The following ABCB11 variants were observed in gnomAD, a reference collection of about 807,000 sequenced individuals.
ABCB11 encodes the protein ATP binding cassette subfamily B member 11, also known as bile salt export pump.
ABCB11 carries 95 observed loss-of-function variants against 148.0 expected under a neutral mutation model. The observed-to-expected ratio is 0.64, with a 90% CI of 0.54 to 0.76. The LOEUF (loss-of-function observed/expected upper bound fraction) is 0.76. Ranked by LOEUF, ABCB11 falls within the 30% of genes least tolerant of loss-of-function variation. The pLI is 0.00. For synonymous variants in ABCB11, 591 were observed against 555.4 expected (o/e 1.06, Z -0.90); for missense variants, 1,523 against 1,617.8 (o/e 0.94, Z 1.01).
At chr2:169,017,937 C>A (rs746535156) in intron 2 of ABCB11, 113 bp downstream of exon 2, 39 of 866,252 alleles carry the variant, frequency 4.5e-5, no homozygotes, top group Non-Finnish European at 5.4e-5. Context: ...CACAATGATA[C>A]TTCTACCTAC....
rs1361039889 is a variant in ABCB11 at position 168,969,455 on chromosome 2, C to T, written c.1906G>A (p.Glu636Lys). The change falls in exon 16 of 28, where the codon GAA becomes AAA. Residue 636 changes from glutamate (E) to lysine (K), a missense_variant. Physicochemically the swap from Glu to Lys is moderately conservative, Grantham distance 56. Transcript: ENST00000650372. The stretch of plus-strand genomic sequence containing the variant: ...AGTAATTCTTCATGGGTCCCTCTTT[C>T]CACTGCAGTGCCATGTTCAAAACCA... ...IIGFEHGTAV[E>K]RGTHEELLER... The T allele has an allele frequency of 6.2e-7, 1 of 1,612,604 alleles. No individual in the cohort carries two copies. The highest frequency in any genetic ancestry group is 8.5e-7 in the Non-Finnish European group (1 of 1,179,212).
intron 19 of ABCB11, among the ~76,000 whole-genome samples, chr2:168,955,846 A>C (rs1463328275): frequency 6.6e-6 from 1 of 151,706 alleles, no homozygotes; most frequent in Non-Finnish European, 1.5e-5. Flanking sequence ...GGGTACAAGC[A>C]TTGGGTAAAT....
At chr2:168,968,596 T>C (rs1693421170) in intron 16 of ABCB11, 106 bp from the exon 17 acceptor site, 2 of 885,284 alleles carry the variant, frequency 2.3e-6, no homozygotes, top group Admixed American at 2.8e-5. Context: ...CTATGTCAAA[T>C]GCCAAAACAT....
chr2:168,930,467 G>A (rs1691515502), intron 25 of ABCB11, among the ~76,000 whole-genome samples, 198 bp downstream of exon 25: 1 of 152,164 alleles, frequency 6.6e-6, no homozygotes, highest in Admixed American at 6.5e-5. Context: ...TCTGGAACTG[G>A]GGAAAATCTG....
Position 168,956,006 on chromosome 2 carries a change from G to A in ABCB11, c.2343+1958C>T, listed in dbSNP as rs139474137. ...CTCACATCCAGGCCACACTGATGCT[G>A]AGATTGAGTAATTTATGAAGAAAAA... On this transcript the variant is annotated intron_variant, in intron 19 of 27. Transcript: ENST00000650372. Among the ~76,000 whole-genome samples the A allele has an allele frequency of 6.0e-3, 907 of 151,700 alleles. 11 individuals carry two copies. The highest frequency in any genetic ancestry group is 0.02 in the African/African-American group (818 of 41,464).
chr2:168,930,749 C>T lies in ABCB11; in HGVS notation c.3327G>A (p.Leu1109=). ...CACATCCACTGCTCCCAACAAACGC[C>T]AGTGTCTGCCCTGGACTAATCGACA... ...LSVSISPGQT[L]AFVGSSGCGK... The change falls in exon 25 of 28, where the codon CTG becomes CTA. Residue 1109 remains leucine, a synonymous_variant. Transcript: ENST00000650372. The T allele has an allele frequency of 1.2e-6, 2 of 1,610,968 alleles. No homozygotes were observed. Among genetic ancestry groups the T allele is most frequent in the Middle Eastern group, 1.7e-4 (1 of 6,046 alleles).
intron 5 of ABCB11, among the ~76,000 whole-genome samples, chr2:169,005,811 C>T (rs1384794789): frequency 4.6e-5 from 7 of 152,018 alleles, no homozygotes; most frequent in Admixed American, 3.9e-4. Context: ...TGCTGCACAC[C>T]ATAAATATAT....
At chr2:168,926,775 C>T (rs535127084) in intron 26 of ABCB11, among the ~76,000 whole-genome samples, 5 of 152,076 alleles carry the variant, frequency 3.3e-5, no homozygotes, top group African/African-American at 9.7e-5. Flanking sequence ...GGACCAGAAA[C>T]GTTTCAGATT....
intron 10 of ABCB11, among the ~76,000 whole-genome samples, chr2:168,982,131 T>C (rs745355153): frequency 4.6e-5 from 7 of 152,006 alleles, no homozygotes; most frequent in Non-Finnish European, 7.4e-5. Context: ...GACAGAGAGA[T>C]GGGAAGGGAG....
intron 5 of ABCB11, among the ~76,000 whole-genome samples, chr2:169,007,515 G>A (rs1350611623): frequency 6.6e-6 from 1 of 152,126 alleles, no homozygotes. Flanking sequence ...GAAGGCCTTA[G>A]GAAATTTACA....
At chr2:169,003,057 A>G (rs1171457361) in intron 5 of ABCB11, among the ~76,000 whole-genome samples, 4 of 152,082 alleles carry the variant, frequency 2.6e-5, no homozygotes, top group African/African-American at 9.7e-5. Flanking sequence ...TGGTGCACCC[A>G]TCATCCAAGC....
At chr2:168,987,201 T>A (rs1200251032) in intron 9 of ABCB11, among the ~76,000 whole-genome samples, 3 of 152,162 alleles carry the variant, frequency 2.0e-5, no homozygotes, top group Admixed American at 6.6e-5. Context: ...TGGTAGCAAC[T>A]GAGAATAACA....
rs951991342 is a variant in ABCB11, at chr2:168,922,197, A to C, written c.*1425T>G. On this transcript the variant is annotated 3_prime_UTR_variant, in exon 28 of 28. Coordinates refer to ENST00000650372, the MANE Select transcript of ABCB11 (RefSeq NM_003742.4). ...AATTTCCCCAGAAAATCATTCTTCA[A>C]TCTCCTGCCAGAAGAGAGGGGCTGG... Among the ~76,000 whole-genome samples the C allele has an allele frequency of 1.3e-5, 2 of 152,012 alleles. No homozygotes were observed. The highest frequency in any genetic ancestry group is 2.9e-5 in the Non-Finnish European group (2 of 67,986).
At chr2:168,949,572 G>A (rs1407090864) in intron 19 of ABCB11, among the ~76,000 whole-genome samples, 1 of 151,444 alleles carries the variant, frequency 6.6e-6, no homozygotes, top group Non-Finnish European at 1.5e-5. Flanking sequence ...ATGGTATATC[G>A]TATTTTCTTT....
chr2:169,029,649 A>G (rs1367450783), intron 1 of ABCB11, among the ~76,000 whole-genome samples: 2 of 151,038 alleles, frequency 1.3e-5, no homozygotes, highest in Non-Finnish European at 2.9e-5. Flanking sequence ...AGAATTGCTT[A>G]GGAAGAAAAC....
intron 18 of ABCB11, among the ~76,000 whole-genome samples, chr2:168,961,936 T>C (rs903607166): frequency 2.6e-5 from 4 of 151,668 alleles, no homozygotes; most frequent in Non-Finnish European, 5.9e-5. Context: ...AAGAAAGGAT[T>C]TCACCAATGC....
At chr2:168,989,587 T>G (rs747694734) in intron 9 of ABCB11, among the ~76,000 whole-genome samples, 15 of 152,140 alleles carry the variant, frequency 9.9e-5, no homozygotes, top group Non-Finnish European at 2.1e-4. Context: ...TCAGGTAACG[T>G]GATGCCTCCA....
chr2:168,974,931 T>C (rs916539298), intron 12 of ABCB11, among the ~76,000 whole-genome samples: 1 of 149,362 alleles, frequency 6.7e-6, no homozygotes, highest in Non-Finnish European at 1.5e-5. Context: ...TATTTACTTA[T>C]GTTTTATATA....
intron 21 of ABCB11, among the ~76,000 whole-genome samples, chr2:168,942,630 CAA>C (rs1475287188): frequency 6.6e-6 from 1 of 151,710 alleles, no homozygotes; most frequent in Non-Finnish European, 1.5e-5. Flanking sequence ...GTTTGTAACA[CAA>C]AGGATAAGTG....
Sources: allele counts gnomAD v4.1 joint callset (sites outside exome capture counted in the v4.1 genomes callset), GRCh38; gene constraint gnomAD v4.1.1; transcripts MANE v1.5; gene names NCBI Gene and HGNC (gene_info 2026-07-23, HGNC 2026-07-21).